The following NETO2 variants were observed in gnomAD, a reference collection of about 807,000 sequenced individuals.
The protein encoded by NETO2 is neuropilin and tolloid-like protein 2.
A neutral mutation model predicts 62.5 loss-of-function variants in NETO2; 28 were observed. That is an observed-to-expected ratio of 0.45 (90% CI 0.33 to 0.61). The LOEUF is 0.61. Among genes scored for constraint, NETO2 ranks in the 20% least tolerant of loss-of-function variants. NETO2 has a pLI of 0.02. For synonymous variants in NETO2, 214 were observed against 219.1 expected (o/e 0.98, Z 0.21); for missense variants, 548 against 643.2 (o/e 0.85, Z 1.60).
In NETO2 at chr16:47,079,122, A is replaced by T. The variant is rs1298100687; in HGVS notation, c.*4099T>A. The T allele has an allele frequency of 6.7e-6, 1 of 150,010 alleles. No individual in the cohort carries two copies. Among genetic ancestry groups the T allele is most frequent in the East Asian group, 2.0e-4 (1 of 5,122 alleles). The allele number at this position is 150,010 out of a possible 1,614,324, so 9.3% of individuals were successfully genotyped here. ...TGGTGAAACCCCGTCTCTACTAAAA[A>T]TACAAAAAATTAGCCGGGCATGGTG... On this transcript the variant is annotated 3_prime_UTR_variant, in exon 9 of 9. Transcript: ENST00000562435.
intron 6 of NETO2, among the ~76,000 whole-genome samples, chr16:47,112,239 A>C (rs1043224558): frequency 6.6e-6 from 1 of 151,998 alleles, no homozygotes; most frequent in South Asian, 2.1e-4. Context: ...TTATAAATGG[A>C]TATTTTTCTT....
chr16:47,110,452 C>G (rs1017250824), intron 6 of NETO2, among the ~76,000 whole-genome samples: 1 of 152,186 alleles, frequency 6.6e-6, no homozygotes, highest in African/African-American at 2.4e-5. Flanking sequence ...AAGCATTAAT[C>G]TCCAGAAGAG....
chr16:47,093,086 G>A (rs904994026), intron 7 of NETO2, among the ~76,000 whole-genome samples: 2 of 152,118 alleles, frequency 1.3e-5, no homozygotes, highest in African/African-American at 2.4e-5. Flanking sequence ...AAGGCACAGC[G>A]CTAAAGATGT....
intron 1 of NETO2, among the ~76,000 whole-genome samples, chr16:47,143,266 C>T (rs1280641546): frequency 2.0e-5 from 3 of 152,054 alleles, no homozygotes; most frequent in African/African-American, 7.2e-5. Context: ...GGAAGCGGCG[C>T]GAGGGCGCAG....
intron 7 of NETO2, among the ~76,000 whole-genome samples, chr16:47,094,088 G>A (rs1456206878): frequency 6.6e-6 from 1 of 152,078 alleles, no homozygotes; most frequent in African/African-American, 2.4e-5. Flanking sequence ...GGAAACAGTT[G>A]GAAGAGGCTA....
intron 2 of NETO2, among the ~76,000 whole-genome samples, chr16:47,130,469 TA>T (rs1964243232): frequency 6.6e-6 from 1 of 150,726 alleles, no homozygotes; most frequent in East Asian, 1.9e-4. Context: ...ATAATAATAA[TA>T]AAACTGGAGA....
chr16:47,109,590 A>G lies in NETO2; in HGVS notation c.776T>C (p.Val259Ala), dbSNP rs1461608305. 6.2e-7 allele frequency: 1 copy of G among 1,614,128 alleles called. No homozygotes were observed. The highest frequency in any genetic ancestry group is 2.2e-5 in the East Asian group (1 of 44,870). The change falls in exon 7 of 9, where the codon GTG becomes GCG. Residue 259 changes from valine (V) to alanine (A), a missense_variant. By Grantham distance (64) the Val-to-Ala change is moderately conservative. Coordinates refer to ENST00000562435, the MANE Select transcript of NETO2 (RefSeq NM_018092.5). ...ENLKAKFCST[V>A]ANDVMLKTGI... ...TGTTTTAAGCATTACATCATTGGCCACAGTGCTGCAAAACTTGGCCTTCAG... is the reference window on the plus strand; with the variant it reads ...TGTTTTAAGCATTACATCATTGGCCGCAGTGCTGCAAAACTTGGCCTTCAG...
intron 4 of NETO2, among the ~76,000 whole-genome samples, chr16:47,125,451 T>C (rs1296269147): frequency 6.6e-6 from 1 of 152,046 alleles, no homozygotes; most frequent in East Asian, 1.9e-4. Flanking sequence ...GTTCAAGCGA[T>C]TCTCCTGCCT....
At chr16:47,110,534 C>T (rs1963772666) in intron 6 of NETO2, among the ~76,000 whole-genome samples, 1 of 152,122 alleles carries the variant, frequency 6.6e-6, no homozygotes, top group Non-Finnish European at 1.5e-5. Context: ...GGATTAAACC[C>T]AGGTTGGTCT....
intron 1 of NETO2, among the ~76,000 whole-genome samples, chr16:47,137,650 AT>A (rs1201366245): frequency 2.4e-4 from 37 of 152,110 alleles, no homozygotes; most frequent in African/African-American, 8.7e-4. Flanking sequence ...ATGAAAGTAC[AT>A]TTTCTAAAAC....
intron 1 of NETO2, among the ~76,000 whole-genome samples, chr16:47,138,158 T>C (rs1964395730): frequency 6.6e-6 from 1 of 152,180 alleles, no homozygotes; most frequent in African/African-American, 2.4e-5. Context: ...TCCCAGCACT[T>C]TGCGAGGCTG....
chr16:47,087,156 G>T (rs1963210009), intron 7 of NETO2, among the ~76,000 whole-genome samples: 1 of 151,806 alleles, frequency 6.6e-6, no homozygotes, highest in South Asian at 2.1e-4. Flanking sequence ...AGCCTCCAGA[G>T]TAGCTGGGAC....
At chr16:47,092,967 C>T (rs1358333299) in intron 7 of NETO2, among the ~76,000 whole-genome samples, 3 of 152,130 alleles carry the variant, frequency 2.0e-5, no homozygotes, top group Admixed American at 6.5e-5. Flanking sequence ...CTGTGGATTC[C>T]GTTTCCCCAC....
intron 7 of NETO2, among the ~76,000 whole-genome samples, chr16:47,088,073 A>G (rs1963234920): frequency 6.6e-6 from 1 of 152,298 alleles, no homozygotes; most frequent in Non-Finnish European, 1.5e-5. Context: ...TTTCCCATTC[A>G]GTACGACAGA....
chr16:47,133,166 T>C (rs1446593422), intron 1 of NETO2, among the ~76,000 whole-genome samples: 3 of 152,098 alleles, frequency 2.0e-5, no homozygotes, highest in Non-Finnish European at 4.4e-5. Flanking sequence ...AGAAGGTCCA[T>C]TCTGCTGGGG....
intron 6 of NETO2, among the ~76,000 whole-genome samples, chr16:47,119,148 TTC>T (rs766081621): frequency 3.3e-5 from 5 of 151,562 alleles, no homozygotes; most frequent in Non-Finnish European, 7.4e-5. Context: ...TTATGTTTTT[TTC>T]TTTTTCTTTT....
intron 7 of NETO2, among the ~76,000 whole-genome samples, chr16:47,099,430 C>T (rs1004200684): frequency 6.6e-6 from 1 of 152,174 alleles, no homozygotes; most frequent in African/African-American, 2.4e-5. Context: ...CAGCTACCAT[C>T]ATAATGACAG....
At chr16:47,103,925 TA>T (rs1963613517) in intron 7 of NETO2, among the ~76,000 whole-genome samples, 1 of 152,194 alleles carries the variant, frequency 6.6e-6, no homozygotes, top group Non-Finnish European at 1.5e-5. Context: ...GCTAACATCA[TA>T]ATCAGTAGTG....
Position 47,081,563 on chromosome 16 carries a change from C to G in NETO2, c.*1658G>C, listed in dbSNP as rs950946181. On this transcript the variant is annotated 3_prime_UTR_variant, in exon 9 of 9. Transcript: ENST00000562435. ...AGTATATGTGTATTAAATTTAAGGT[C>G]ACAATTTTCACTAATCTGAGAAAAC... 6.6e-6 allele frequency: 1 copy of G among 152,474 alleles called. No homozygotes were observed. Among genetic ancestry groups the G allele is most frequent in the Non-Finnish European group, 1.5e-5 (1 of 67,964 alleles). The allele number at this position is 152,474 out of a possible 1,614,324, so 9.4% of individuals were successfully genotyped here.
Sources: gnomAD v4.1 joint callset for allele counts (sites outside exome capture counted in the v4.1 genomes callset) on GRCh38, gnomAD v4.1.1 for gene constraint, MANE v1.5 for transcripts, NCBI Gene and HGNC (gene_info 2026-07-23, HGNC 2026-07-21) for gene names.